MAMDC2: variants seen among roughly 807,000 people sequenced by gnomAD.
The protein encoded by MAMDC2 is MAM domain containing 2.
In MAMDC2, 57 loss-of-function variants were observed where a neutral mutation model predicts 89.8. The ratio of observed to expected loss-of-function variants is 0.63; its 90% CI spans 0.51 to 0.79. The LOEUF (loss-of-function observed/expected upper bound fraction) is 0.79, where lower values mean the gene tolerates loss of function less well. Among genes scored for constraint, MAMDC2 ranks in the 30% least tolerant of loss-of-function variants. The pLI, the probability that MAMDC2 is intolerant of heterozygous loss-of-function variation, is 0.00. For synonymous variants in MAMDC2, 313 were observed against 293.4 expected, an observed-to-expected ratio of 1.07 and a Z score of -0.68; for missense variants, 800 against 820.6, an observed-to-expected ratio of 0.97 and a Z score of 0.31.
chr9:70,044,442 G>A lies in MAMDC2; in HGVS notation c.35-142G>A. The A allele has an allele frequency of 3.7e-6, 3 of 801,668 alleles. No individual in the cohort carries two copies. The South Asian group carries it at 5.2e-5, about 14-fold the overall frequency. 49.7% of individuals were successfully genotyped at this position (801,668 alleles called of 1,614,324 possible). A position where few individuals can be genotyped will look rare whatever the true frequency, so the allele number is the denominator to read the frequency against. ...CTCAGTGGAGGCGCCCGGGGATGCT[G>A]GGGGACAGGTACTGCATCCCTCTCC... On this transcript the variant is annotated intron_variant, in intron 1 of 13. Coordinates refer to ENST00000377182, the MANE Select transcript of MAMDC2 (RefSeq NM_153267.5).
At chr9:70,142,476 A>G (rs536254325) in intron 8 of MAMDC2, among the ~76,000 whole-genome samples, 5 of 152,332 alleles carry the variant, frequency 3.3e-5, no homozygotes, top group Admixed American at 6.5e-5. Flanking sequence ...TGAGGTTTCA[A>G]AAAGGTTTTT....
intron 2 of MAMDC2, among the ~76,000 whole-genome samples, chr9:70,055,187 C>G (rs1276517782): frequency 6.6e-6 from 1 of 151,844 alleles, no homozygotes; most frequent in Non-Finnish European, 1.5e-5. Context: ...CACAGTGAAA[C>G]TTAATGAGAT....
intron 2 of MAMDC2, among the ~76,000 whole-genome samples, chr9:70,075,770 T>C (rs1335164909): frequency 6.6e-6 from 1 of 152,192 alleles, no homozygotes; most frequent in Non-Finnish European, 1.5e-5. Flanking sequence ...GTGGCATTAT[T>C]GACACCAGCA....
At chr9:70,100,114 A>G (rs904293582) in intron 2 of MAMDC2, among the ~76,000 whole-genome samples, 4 of 152,210 alleles carry the variant, frequency 2.6e-5, no homozygotes, top group Middle Eastern at 3.4e-3. Flanking sequence ...CCATCAGAAG[A>G]GGATGCTGAT....
chr9:70,122,201 G>C (rs1299811935), intron 5 of MAMDC2, among the ~76,000 whole-genome samples: 1 of 152,186 alleles, frequency 6.6e-6, no homozygotes, highest in Non-Finnish European at 1.5e-5. Flanking sequence ...TTCTGTATGA[G>C]ACTTAGTGTC....
At chr9:70,096,533 T>C (rs1828033018) in intron 2 of MAMDC2, among the ~76,000 whole-genome samples, 3 of 152,122 alleles carry the variant, frequency 2.0e-5, no homozygotes, top group Non-Finnish European at 2.9e-5. Flanking sequence ...TTCAACAACT[T>C]TCTCCATCTA....
intron 2 of MAMDC2, among the ~76,000 whole-genome samples, chr9:70,099,615 G>A (rs559105576): frequency 1.3e-5 from 2 of 152,220 alleles, no homozygotes; most frequent in East Asian, 1.9e-4. Flanking sequence ...GCAGGCACTA[G>A]GGAGAATAGA....
intron 12 of MAMDC2, among the ~76,000 whole-genome samples, chr9:70,223,606 T>C (rs536984357): frequency 1.5e-4 from 23 of 152,338 alleles, no homozygotes; most frequent in South Asian, 6.2e-4. Context: ...CTGCTAAGTA[T>C]TGAATATTGC....
chr9:70,168,615 G>T (rs879191191), intron 9 of MAMDC2, 87 bp from the exon 10 acceptor site: 15 of 1,006,990 alleles, frequency 1.5e-5, no homozygotes, highest in Non-Finnish European at 1.9e-5. Context: ...GCCTATGCTC[G>T]CCTGCTGTGC....
intron 7 of MAMDC2, among the ~76,000 whole-genome samples, chr9:70,136,698 C>T (rs1055703368): frequency 6.6e-6 from 1 of 152,170 alleles, no homozygotes; most frequent in African/African-American, 2.4e-5. Context: ...CTACTGTTTT[C>T]GTGCATGGCA....
At chr9:70,170,774 A>C in intron 11 of MAMDC2, 143 bp downstream of exon 11, 1 of 703,162 alleles carries the variant, frequency 1.4e-6, no homozygotes. Flanking sequence ...ACACAGGATG[A>C]TTTGATATGG....
intron 11 of MAMDC2, among the ~76,000 whole-genome samples, chr9:70,198,994 A>C (rs2033036874): frequency 6.6e-6 from 1 of 152,104 alleles, no homozygotes; most frequent in South Asian, 2.1e-4. Context: ...CTGAGGAATT[A>C]GCTCCAGATT....
At chr9:70,193,159 G>C (rs190403309) in intron 11 of MAMDC2, among the ~76,000 whole-genome samples, 52 of 152,162 alleles carry the variant, frequency 3.4e-4, no homozygotes, top group Admixed American at 1.4e-3. Flanking sequence ...ACCATCACAG[G>C]AATAAAGTAA....
intron 2 of MAMDC2, among the ~76,000 whole-genome samples, chr9:70,070,652 T>C (rs1262894302): frequency 6.6e-6 from 1 of 152,198 alleles, no homozygotes; most frequent in East Asian, 1.9e-4. Context: ...ATTTCATCTA[T>C]GATATAGTCT....
chr9:70,118,497 CAAAAT>C (rs1424644837), intron 5 of MAMDC2, among the ~76,000 whole-genome samples: 1 of 152,122 alleles, frequency 6.6e-6, no homozygotes, highest in Non-Finnish European at 1.5e-5. Context: ...TAAAACAAAA[CAAAAT>C]AAACCCTCCA....
rs370271847 is a variant in MAMDC2 at position 70,131,505 on chromosome 9, A to G, written c.901-14A>G. The G allele has an allele frequency of 6.3e-7, 1 of 1,577,838 alleles. No individual in the cohort carries two copies. The highest frequency in any genetic ancestry group is 1.4e-5 in the African/African-American group (1 of 73,056). Reference sequence around the variant, plus strand: ...ATATGTGAACATGTGACAGCATGCCATTTTCCTCTGCAGGTTATTTTTGAA... The same window carrying G: ...ATATGTGAACATGTGACAGCATGCCGTTTTCCTCTGCAGGTTATTTTTGAA... On this transcript the variant is annotated splice_polypyrimidine_tract_variant and intron_variant, in intron 6 of 13. Coordinates refer to ENST00000377182, the MANE Select transcript of MAMDC2 (RefSeq NM_153267.5).
chr9:70,151,883 GC>G (rs1288275012), intron 9 of MAMDC2, among the ~76,000 whole-genome samples: 2 of 152,128 alleles, frequency 1.3e-5, no homozygotes, highest in Admixed American at 6.5e-5. Flanking sequence ...ACCTGCCTAT[GC>G]TTTTTGTGAC....
At chr9:70,150,840 C>T (rs920905664) in intron 9 of MAMDC2, among the ~76,000 whole-genome samples, 1 of 152,188 alleles carries the variant, frequency 6.6e-6, no homozygotes, top group African/African-American at 2.4e-5. Flanking sequence ...TCTCTCTATA[C>T]TCCAGAGAGA....
At chr9:70,097,407 C>G (rs143527067) in intron 2 of MAMDC2, among the ~76,000 whole-genome samples, 3 of 152,196 alleles carry the variant, frequency 2.0e-5, no homozygotes, top group Non-Finnish European at 4.4e-5. Flanking sequence ...ACAAGGAATA[C>G]TGAGAACACC....
Sources: allele counts gnomAD v4.1 joint callset (sites outside exome capture counted in the v4.1 genomes callset), GRCh38; gene constraint gnomAD v4.1.1; transcripts MANE v1.5; gene names NCBI Gene and HGNC (gene_info 2026-07-23, HGNC 2026-07-21).